The following SEC24D variants were observed in gnomAD, a reference collection of about 807,000 sequenced individuals.
SEC24D encodes the protein SEC24 homolog D, COPII component.
In SEC24D, 69 loss-of-function variants were observed where a neutral mutation model predicts 116.9. The observed-to-expected ratio is 0.59, with a 90% CI of 0.49 to 0.72. SEC24D has a LOEUF of 0.72. SEC24D is among the 30% of genes least tolerant of loss of function. The probability of loss-of-function intolerance (pLI) is 0.00; values close to 1 mark genes in which losing one functional copy is unlikely to be tolerated. For missense variants in SEC24D, 1,131 were observed against 1,264.1 expected (o/e 0.89, Z 1.60); for synonymous variants, 405 against 442.8 (o/e 0.91, Z 1.07).
At chr4:118,728,816 G>T in intron 21 of SEC24D, 166 bp from the exon 22 acceptor site, 2 of 522,910 alleles carry the variant, frequency 3.8e-6, no homozygotes, top group Non-Finnish European at 6.7e-6. Flanking sequence ...AAAAATTATT[G>T]GCACCCATTC....
rs113468473 is a variant in SEC24D, at chr4:118,751,441, G to T, written c.1707+555C>A. Reference sequence around the variant, plus strand: ...GGTCTGCCTGCCTCAGCCTCCCAAGGTGCTGGGATTACAGGCGTGAGAGTG... The same window carrying T: ...GGTCTGCCTGCCTCAGCCTCCCAAGTTGCTGGGATTACAGGCGTGAGAGTG... On this transcript the variant is annotated intron_variant, in intron 13 of 22. Transcript: ENST00000280551. Among the ~76,000 whole-genome samples, 69 of 152,196 alleles carry T rather than the reference G, an allele frequency of 4.5e-4. 1 individual carries two copies. The highest frequency in any genetic ancestry group is 1.6e-3 in the African/African-American group (65 of 41,526).
intron 11 of SEC24D, among the ~76,000 whole-genome samples, chr4:118,757,001 G>C (rs577441690): frequency 6.6e-6 from 1 of 151,966 alleles, no homozygotes; most frequent in East Asian, 1.9e-4. Context: ...CCTGAAATTT[G>C]TTTTGGGCTG....
At chr4:118,826,128 AGT>A (rs1730583259) in intron 2 of SEC24D, among the ~76,000 whole-genome samples, 2 of 152,078 alleles carry the variant, frequency 1.3e-5, no homozygotes, top group African/African-American at 4.8e-5. Flanking sequence ...AATTCTACAT[AGT>A]TTTACTTAGC....
rs187087495 is a variant in SEC24D at position 118,783,877 on chromosome 4, A to C, written c.1041+13806T>G. ...AGTGGAAAAAAATATAGGGCTCTAA[A>C]GGTCACACAGTTCAATCTGCTATTG... is the stretch of plus-strand genomic sequence containing the variant. On this transcript the variant is annotated intron_variant, in intron 8 of 22. Transcript: ENST00000280551. Among the ~76,000 whole-genome samples the C allele has an allele frequency of 1.3e-4, 20 of 152,364 alleles. No individual in the cohort carries two copies. The East Asian group carries it at 3.5e-3, about 26-fold the overall frequency.
chr4:118,754,664 T>C (rs1726998437), intron 11 of SEC24D, among the ~76,000 whole-genome samples: 1 of 152,152 alleles, frequency 6.6e-6, no homozygotes, highest in Non-Finnish European at 1.5e-5. Context: ...CCCCAACTGA[T>C]AACCCAATAG....
At chr4:118,804,031 G>C (rs551353093) in intron 7 of SEC24D, among the ~76,000 whole-genome samples, 47 of 152,258 alleles carry the variant, frequency 3.1e-4, no homozygotes, top group African/African-American at 1.1e-3. Context: ...GTGAAGTTCT[G>C]AACAAGTGGA....
chr4:118,763,715 C>T (rs1727501878), intron 10 of SEC24D, among the ~76,000 whole-genome samples: 1 of 152,126 alleles, frequency 6.6e-6, no homozygotes, highest in African/African-American at 2.4e-5. Flanking sequence ...AATAGTAATA[C>T]CCGCAAATTC....
chr4:118,817,148 A>T, intron 4 of SEC24D, 116 bp downstream of exon 4: 1 of 806,328 alleles, frequency 1.2e-6, no homozygotes, highest in Non-Finnish European at 2.0e-6. Flanking sequence ...ATGTCCAAAT[A>T]CTACTTCAAC....
intron 2 of SEC24D, among the ~76,000 whole-genome samples, chr4:118,830,711 T>C (rs1478038682): frequency 6.6e-6 from 1 of 152,086 alleles, no homozygotes; most frequent in Non-Finnish European, 1.5e-5. Flanking sequence ...TAGGAACATC[T>C]ATTATAACAC....
At chr4:118,829,292 G>A (rs376152551) in intron 2 of SEC24D, among the ~76,000 whole-genome samples, 11 of 152,140 alleles carry the variant, frequency 7.2e-5, no homozygotes, top group African/African-American at 2.4e-4. Flanking sequence ...GCAGGAGGAT[G>A]GCTTGAGGCC....
chr4:118,739,112 C>G (rs751073901), intron 18 of SEC24D, 37 bp downstream of exon 18: 3 of 1,608,868 alleles, frequency 1.9e-6, no homozygotes, highest in Non-Finnish European at 2.5e-6. Context: ...AATTACTAAG[C>G]AAGGTTTACT....
intron 19 of SEC24D, chr4:118,736,537 C>G (rs1474589897): frequency 3.2e-6 from 1 of 315,962 alleles, no homozygotes; most frequent in Non-Finnish European, 6.1e-6. Context: ...AGGAATCTCT[C>G]CATCTTCATA....
rs546620799 is a variant in SEC24D at position 118,809,601 on chromosome 4, A to G, written c.802-3647T>C. On this transcript the variant is annotated intron_variant, in intron 6 of 22. Coordinates refer to ENST00000280551, the MANE Select transcript of SEC24D (RefSeq NM_014822.4). Reference sequence around the variant, plus strand: ...CTGGACTGATTTGTCTGTATGTATTATAAGGGTCCTGGATGAGTCACAGCA... The same window carrying G: ...CTGGACTGATTTGTCTGTATGTATTGTAAGGGTCCTGGATGAGTCACAGCA... Among the ~76,000 whole-genome samples the G allele has an allele frequency of 2.6e-5, 4 of 152,340 alleles. No homozygotes were observed. The South Asian group carries it at 6.2e-4, about 24-fold the overall frequency.
chr4:118,743,461 A>G (rs1386590108), intron 15 of SEC24D, among the ~76,000 whole-genome samples: 1 of 152,188 alleles, frequency 6.6e-6, no homozygotes, highest in Non-Finnish European at 1.5e-5. Flanking sequence ...AGTCCCTGAC[A>G]TAAAATGGCA....
chr4:118,803,490 C>T (rs1459094569), intron 7 of SEC24D, among the ~76,000 whole-genome samples: 2 of 152,140 alleles, frequency 1.3e-5, no homozygotes, highest in Non-Finnish European at 2.9e-5. Context: ...TTGGGCAAGA[C>T]AGGCTGGGTC....
chr4:118,820,446 T>G (rs1404305708), intron 3 of SEC24D, among the ~76,000 whole-genome samples: 2 of 152,226 alleles, frequency 1.3e-5, no homozygotes, highest in Non-Finnish European at 2.9e-5. Context: ...TCCAAAGTGC[T>G]GGGATTACAG....
At chr4:118,746,126 T>C (rs1726513291) in intron 13 of SEC24D, among the ~76,000 whole-genome samples, 8 of 150,936 alleles carry the variant, frequency 5.3e-5, no homozygotes, top group Admixed American at 4.6e-4. Context: ...CAGTGAGCTA[T>C]GATCATGCCA....
chr4:118,793,731 C>T (rs189990111), intron 8 of SEC24D, among the ~76,000 whole-genome samples: 3 of 152,238 alleles, frequency 2.0e-5, no homozygotes, highest in East Asian at 3.9e-4. Context: ...TAAAAGTATT[C>T]CTTTAAATAG....
At chr4:118,828,639 A>G (rs116106661) in intron 2 of SEC24D, among the ~76,000 whole-genome samples, 6,653 of 152,176 alleles carry the variant, frequency 0.044, 202 homozygotes, top group Non-Finnish European at 0.064. Flanking sequence ...CGAAGAATTA[A>G]TTGGCCCCAA....
Sources: allele counts gnomAD v4.1 joint callset (sites outside exome capture counted in the v4.1 genomes callset), GRCh38; gene constraint gnomAD v4.1.1; transcripts MANE v1.5; gene names NCBI Gene and HGNC (gene_info 2026-07-23, HGNC 2026-07-21).